The following NRXN1 variants were observed in gnomAD, a reference collection of about 807,000 sequenced individuals.
NRXN1 encodes the protein neurexin-1.
Under a neutral mutation model 150.9 loss-of-function variants are expected in NRXN1, and 39 were observed. The observed-to-expected ratio is 0.26, with a 90% confidence interval of 0.20 to 0.34. The LOEUF (loss-of-function observed/expected upper bound fraction) is 0.34. Ranked by LOEUF, NRXN1 falls within the 10% of genes least tolerant of loss-of-function variation. The probability of loss-of-function intolerance (pLI) is 1.00; values close to 1 mark genes in which losing one functional copy is unlikely to be tolerated. For synonymous variants in NRXN1, 924 were observed against 757.0 expected (o/e 1.22, Z -3.62); for missense variants, 1,815 against 1,949.9 (o/e 0.93, Z 1.30).
At chr2:50,763,026 C>G (rs1184943383) in intron 5 of NRXN1, among the ~76,000 whole-genome samples, 1 of 151,860 alleles carries the variant, frequency 6.6e-6, no homozygotes, top group Non-Finnish European at 1.5e-5. Context: ...CTTTAAGACC[C>G]TCTTCACGTA....
chr2:50,662,766 G>C (rs976417327), intron 5 of NRXN1, among the ~76,000 whole-genome samples: 2 of 151,924 alleles, frequency 1.3e-5, no homozygotes, highest in Non-Finnish European at 2.9e-5. Context: ...ATTTTGATCA[G>C]GGAAATTTCT....
chr2:50,480,443 A>G (rs1008217270), intron 15 of NRXN1, among the ~76,000 whole-genome samples: 1 of 152,144 alleles, frequency 6.6e-6, no homozygotes, highest in African/African-American at 2.4e-5. Context: ...CCATAGGCAT[A>G]TGGACACCAT....
rs1423950956 is a variant in NRXN1, at chr2:50,654,187, C to A, written c.833-30572G>T. 7.7e-5 allele frequency among the ~76,000 whole-genome samples: 4 copies of A among 51,954 alleles called. 1 individual carries two copies. Among genetic ancestry groups the A allele is most frequent in the Non-Finnish European group, 1.6e-4 (4 of 25,028 alleles). 34.1% of individuals were successfully genotyped at this position (51,954 alleles called of 152,430 possible). A position where few individuals can be genotyped will look rare whatever the true frequency, so the allele number is the denominator to read the frequency against. ...TAATGCTATCCCTCCCCCCTCCCCC[C>A]ACCCCACAACAGGCCCCAGTGTGAT... On this transcript the variant is annotated intron_variant, in intron 5 of 22. Coordinates refer to ENST00000401669, the MANE Select transcript of NRXN1 (RefSeq NM_001330078.2).
chr2:50,681,985 A>G (rs746273698), intron 5 of NRXN1, among the ~76,000 whole-genome samples: 5 of 152,178 alleles, frequency 3.3e-5, no homozygotes, highest in Non-Finnish European at 7.3e-5. Flanking sequence ...AAATCCACCT[A>G]TCAAGGATTC....
chr2:49,984,749 G>T (rs993897362), intron 21 of NRXN1, among the ~76,000 whole-genome samples: 1 of 97,762 alleles, frequency 1.0e-5, no homozygotes, highest in African/African-American at 3.3e-5. Context: ...ACACACACAC[G>T]ATAGTATATT....
intron 1 of NRXN1, among the ~76,000 whole-genome samples, chr2:51,030,840 G>A (rs1671421848): frequency 6.6e-6 from 1 of 151,852 alleles, no homozygotes; most frequent in African/African-American, 2.4e-5. Flanking sequence ...ATCAAGAGTA[G>A]TGCTTTGAAC....
chr2:50,479,446 T>C (rs973188999), intron 15 of NRXN1, among the ~76,000 whole-genome samples: 1 of 152,204 alleles, frequency 6.6e-6, no homozygotes, highest in African/African-American at 2.4e-5. Flanking sequence ...TGAACCCCTT[T>C]TCTGAAAATG....
At chr2:50,816,905 A>C (rs1425451859) in intron 5 of NRXN1, among the ~76,000 whole-genome samples, 1 of 152,152 alleles carries the variant, frequency 6.6e-6, no homozygotes, top group East Asian at 1.9e-4. Flanking sequence ...TAAGATACAA[A>C]TAATACGGAT....
At chr2:50,110,690 C>T (rs1027379866) in intron 18 of NRXN1, among the ~76,000 whole-genome samples, 1 of 152,082 alleles carries the variant, frequency 6.6e-6, no homozygotes, top group Non-Finnish European at 1.5e-5. Flanking sequence ...GGGGCCAATT[C>T]TAGCACTTCT....
chr2:50,153,212 C>T (rs1225369222), intron 18 of NRXN1, among the ~76,000 whole-genome samples: 1 of 151,556 alleles, frequency 6.6e-6, no homozygotes, highest in Non-Finnish European at 1.5e-5. Flanking sequence ...GTCTTTGTTG[C>T]TATTTCCATT....
intron 18 of NRXN1, among the ~76,000 whole-genome samples, chr2:50,170,245 A>T (rs922216331): frequency 1.3e-5 from 2 of 152,066 alleles, no homozygotes; most frequent in African/African-American, 2.4e-5. Context: ...AATTTTTTGA[A>T]CACCAGAATG....
At chr2:50,373,824 A>G (rs2080286691) in intron 17 of NRXN1, among the ~76,000 whole-genome samples, 1 of 152,124 alleles carries the variant, frequency 6.6e-6, no homozygotes, top group Non-Finnish European at 1.5e-5. Flanking sequence ...TGGCTTTAAT[A>G]TCATCAAATT....
chr2:51,030,656 C>T (rs1671382969), intron 1 of NRXN1, among the ~76,000 whole-genome samples: 1 of 152,014 alleles, frequency 6.6e-6, no homozygotes, highest in African/African-American at 2.4e-5. Flanking sequence ...CTGATACATT[C>T]CACACCATCA....
intron 2 of NRXN1, among the ~76,000 whole-genome samples, chr2:50,947,894 T>C (rs982566698): frequency 1.3e-5 from 2 of 152,018 alleles, no homozygotes; most frequent in African/African-American, 4.8e-5. Flanking sequence ...ATCAATTTGA[T>C]AAGTTTACAT....
chr2:50,169,398 G>T (rs2059885044), intron 18 of NRXN1, among the ~76,000 whole-genome samples: 2 of 151,994 alleles, frequency 1.3e-5, no homozygotes, highest in African/African-American at 4.8e-5. Flanking sequence ...TGCACTAAGT[G>T]AAAATGTTAA....
intron 3 of NRXN1, 86 bp downstream of exon 3, chr2:50,925,852 T>TA: frequency 9.7e-7 from 1 of 1,028,900 alleles, no homozygotes; most frequent in South Asian, 1.4e-5. Flanking sequence ...AAGTTCAACT[T>TA]ACCATCTAAC....
chr2:50,328,454 C>T (rs1462882284), intron 17 of NRXN1, among the ~76,000 whole-genome samples: 1 of 151,960 alleles, frequency 6.6e-6, no homozygotes, highest in Non-Finnish European at 1.5e-5. Flanking sequence ...TTGGAAACTT[C>T]GGTTGGGTGT....
At chr2:50,635,796 T>C (rs573168046) in intron 5 of NRXN1, among the ~76,000 whole-genome samples, 14 of 152,280 alleles carry the variant, frequency 9.2e-5, no homozygotes, top group African/African-American at 3.4e-4. Flanking sequence ...TAGAAGTAGT[T>C]GAAGGGTCAG....
chr2:50,494,397 A>C (rs939441084), intron 15 of NRXN1, among the ~76,000 whole-genome samples: 3 of 152,296 alleles, frequency 2.0e-5, no homozygotes, highest in Middle Eastern at 6.8e-3. Context: ...TTTGACAATT[A>C]CCACCTGAGC....
Sources: gnomAD v4.1 joint callset for allele counts (sites outside exome capture counted in the v4.1 genomes callset) on GRCh38, gnomAD v4.1.1 for gene constraint, MANE v1.5 for transcripts, NCBI Gene and HGNC (gene_info 2026-07-23, HGNC 2026-07-21) for gene names.